PTK2: variants seen among roughly 807,000 people sequenced by gnomAD.
The protein encoded by PTK2 is focal adhesion kinase 1.
Under a neutral mutation model 150.1 loss-of-function variants are expected in PTK2, and 45 were observed. The observed-to-expected ratio is 0.30, with a 90% CI of 0.24 to 0.38. PTK2 has a LOEUF of 0.38. Among genes scored for constraint, PTK2 ranks in the 10% least tolerant of loss-of-function variants. PTK2 has a pLI of 1.00. For missense variants in PTK2, 919 were observed against 1,307.3 expected, an observed-to-expected ratio of 0.70 and a Z score of 4.58; for synonymous variants, 432 against 449.2, an observed-to-expected ratio of 0.96 and a Z score of 0.48.
intron 16 of PTK2, among the ~76,000 whole-genome samples, chr8:140,754,416 T>C (rs1029280050): frequency 1.3e-5 from 2 of 152,256 alleles, no homozygotes; most frequent in Non-Finnish European, 2.9e-5. Context: ...TGACCATGAA[T>C]TCTTTTTCTA....
rs114478853 is a variant in PTK2, at chr8:140,671,569, C to T, written c.2709+2729G>A. ...GTTCTTTTAGGATGGATTCAATGAC[C>T]TCTACCAAGCAGACAATGAAGAAAC... On this transcript the variant is annotated intron_variant, in intron 29 of 31. Transcript: ENST00000522684. Among the ~76,000 whole-genome samples, 762 of 152,014 alleles carry T rather than the reference C, an allele frequency of 5.0e-3. 5 individuals are homozygous for T. The highest frequency in any genetic ancestry group is 0.018 in the African/African-American group (743 of 41,456).
At chr8:140,921,128 G>A (rs913500154) in intron 2 of PTK2, 42 of 1,266,646 alleles carry the variant, frequency 3.3e-5, no homozygotes, top group South Asian at 8.2e-5. Context: ...TCATGCTTCC[G>A]CAATCTGAAA....
At chr8:140,904,652 A>AT (rs2100160128) in intron 2 of PTK2, among the ~76,000 whole-genome samples, 3 of 152,108 alleles carry the variant, frequency 2.0e-5, no homozygotes, top group Admixed American at 2.0e-4. Context: ...TTGGTAGGCT[A>AT]TTAATTACTG....
chr8:140,877,164 C>G (rs1392073818), intron 4 of PTK2, among the ~76,000 whole-genome samples: 1 of 150,836 alleles, frequency 6.6e-6, no homozygotes, highest in Non-Finnish European at 1.5e-5. Context: ...TCCAATGTAG[C>G]TGGGAGTACA....
chr8:140,760,567 G>A (rs1194377552), intron 16 of PTK2, among the ~76,000 whole-genome samples: 1 of 152,134 alleles, frequency 6.6e-6, no homozygotes, highest in Non-Finnish European at 1.5e-5. Context: ...GCTGCCAAAG[G>A]CTGGGGAAGG....
chr8:140,896,798 G>GC (rs985934741), intron 2 of PTK2, among the ~76,000 whole-genome samples: 3 of 101,670 alleles, frequency 3.0e-5, no homozygotes, highest in Admixed American at 9.3e-5. Context: ...CGGGGGGGGG[G>GC]GGTGGGTAAA....
intron 2 of PTK2, 166 bp downstream of exon 2, chr8:140,925,495 A>T: frequency 6.3e-6 from 2 of 315,616 alleles, no homozygotes; most frequent in Non-Finnish European, 9.2e-6. Flanking sequence ...CAAAAATTTT[A>T]GTCTATCCAC....
intron 1 of PTK2, among the ~76,000 whole-genome samples, chr8:140,988,728 CAAAAAAAAAAAAAA>C (rs71310814): frequency 1.4e-5 from 1 of 69,960 alleles, no homozygotes; most frequent in South Asian, 6.1e-4. Context: ...GACTCCATCC[CAAAAAAAAAAAAAA>C]AAAAAAAAAG....
chr8:140,937,418 ATTTT>A (rs1490589315), intron 1 of PTK2, among the ~76,000 whole-genome samples: 1 of 152,118 alleles, frequency 6.6e-6, no homozygotes, highest in Non-Finnish European at 1.5e-5. Flanking sequence ...ATGAAAGTTT[ATTTT>A]TATGCTCTAA....
intron 5 of PTK2, among the ~76,000 whole-genome samples, chr8:140,861,078 T>C (rs1398561446): frequency 2.0e-5 from 3 of 152,228 alleles, no homozygotes; most frequent in Non-Finnish European, 4.4e-5. Flanking sequence ...TGGTGGCTCA[T>C]GCCTATACTC....
At chr8:140,709,710 G>C (rs28505501) in intron 23 of PTK2, among the ~76,000 whole-genome samples, 3,707 of 152,304 alleles carry the variant, frequency 0.024, 156 homozygotes, top group African/African-American at 0.086. Flanking sequence ...TGGTAAGTAC[G>C]ATGAGTTAGC....
intron 1 of PTK2, among the ~76,000 whole-genome samples, chr8:140,930,940 G>A (rs1012814931): frequency 6.6e-6 from 1 of 151,940 alleles, no homozygotes; most frequent in Admixed American, 6.6e-5. Flanking sequence ...AGGGTGTGGT[G>A]GCATACACCT....
At position 140,902,924 on chromosome 8, in the gene PTK2, GTTTTTTTTTTTTTTTTTTTTTT is replaced by G. The variant is rs61261890; in HGVS notation, c.-32-12177_-32-12156del. On this transcript the variant is annotated intron_variant, in intron 2 of 31. Coordinates refer to ENST00000522684, the Ensembl canonical transcript of PTK2. ...TTGCCTGTTCACTCTGATGAGAGTT[GTTTTTTTTTTTTTTTTTTTTTT>G]TTTTTTTTTTTTTGCCATGCAGAAG... Among the ~76,000 whole-genome samples the G allele has an allele frequency of 6.8e-4, 40 of 58,966 alleles. 1 individual carries two copies. The highest frequency in any genetic ancestry group is 1.8e-3 in the African/African-American group (37 of 20,540). The allele number at this position is 58,966 out of a possible 152,430, so 38.7% of individuals were successfully genotyped here. A position where few individuals can be genotyped will look rare whatever the true frequency, so the allele number is the denominator to read the frequency against.
At chr8:140,882,468 G>C (rs1279021205) in intron 3 of PTK2, among the ~76,000 whole-genome samples, 1 of 152,122 alleles carries the variant, frequency 6.6e-6, no homozygotes, top group Non-Finnish European at 1.5e-5. Flanking sequence ...TGACTTTGAA[G>C]ACACATCTAT....
intron 2 of PTK2, among the ~76,000 whole-genome samples, chr8:140,919,572 A>C (rs912716690): frequency 6.6e-6 from 1 of 152,172 alleles, no homozygotes; most frequent in African/African-American, 2.4e-5. Flanking sequence ...CATACAATGG[A>C]GGTGGCAATA....
In PTK2 at chr8:140,770,610, A is replaced by G. The variant is rs77606950; in HGVS notation, c.1178-6320T>C. ...TGAACAGCACATACACTAATATTCA[A>G]TAAAGCTATGATCTGTTCAGGATAA... On this transcript the variant is annotated intron_variant, in intron 14 of 31. Coordinates refer to ENST00000522684, the Ensembl canonical transcript of PTK2. The G allele has an allele frequency of 7.0e-5, 28 of 398,938 alleles. No individual in the cohort carries two copies. The East Asian group carries it at 2.6e-3, about 36-fold the overall frequency. The allele number at this position is 398,938 out of a possible 1,614,324, so 24.7% of individuals were successfully genotyped here. A position where few individuals can be genotyped will look rare whatever the true frequency, so the allele number is the denominator to read the frequency against.
At chr8:140,834,126 A>G (rs1442327135) in intron 7 of PTK2, among the ~76,000 whole-genome samples, 1 of 152,246 alleles carries the variant, frequency 6.6e-6, no homozygotes, top group East Asian at 1.9e-4. Flanking sequence ...ATTGTCGCAG[A>G]AAGCTGCAAT....
chr8:140,682,335 C>G (rs78872298), intron 27 of PTK2, among the ~76,000 whole-genome samples: 1 of 152,146 alleles, frequency 6.6e-6, no homozygotes, highest in African/African-American at 2.4e-5. Flanking sequence ...CGCCACTGTA[C>G]TCCAGCTCTG....
At chr8:140,702,914 G>A (rs1345359021) in intron 24 of PTK2, among the ~76,000 whole-genome samples, 1 of 152,194 alleles carries the variant, frequency 6.6e-6, no homozygotes, top group Admixed American at 6.5e-5. Context: ...TATAAGTCAA[G>A]GACCTTGGGA....
Sources: gnomAD v4.1 joint callset for allele counts (sites outside exome capture counted in the v4.1 genomes callset) on GRCh38, gnomAD v4.1.1 for gene constraint, MANE v1.5 for transcripts, NCBI Gene and HGNC (gene_info 2026-07-23, HGNC 2026-07-21) for gene names.